RASGEF1A: variants seen among roughly 807,000 people sequenced by gnomAD.
The protein encoded by RASGEF1A is RasGEF domain family member 1A.
A neutral mutation model predicts 56.4 loss-of-function variants in RASGEF1A; 18 were observed. That is an observed-to-expected ratio of 0.32 (90% CI 0.22 to 0.47). The LOEUF is 0.47. RASGEF1A is among the 20% of genes least tolerant of loss of function. The pLI, the probability that RASGEF1A is intolerant of heterozygous loss-of-function variation, is 1.00. For missense variants in RASGEF1A, 422 were observed against 627.1 expected (o/e 0.67, Z 3.49); for synonymous variants, 245 against 242.6 (o/e 1.01, Z -0.09).
intron 1 of RASGEF1A, among the ~76,000 whole-genome samples, chr10:43,237,003 C>A (rs1840439064): frequency 6.6e-6 from 1 of 151,984 alleles, no homozygotes; most frequent in Admixed American, 6.6e-5. Flanking sequence ...GTCTTAGGAC[C>A]AGCGTGGCCT....
intron 1 of RASGEF1A, among the ~76,000 whole-genome samples, chr10:43,240,566 C>G (rs1751360510): frequency 6.6e-6 from 1 of 151,876 alleles, no homozygotes; most frequent in Non-Finnish European, 1.5e-5. Context: ...GTGTTGAAAA[C>G]TAAGTAAATG....
At chr10:43,255,133 C>T (rs547872763) in intron 1 of RASGEF1A, among the ~76,000 whole-genome samples, 11 of 152,204 alleles carry the variant, frequency 7.2e-5, no homozygotes, top group Non-Finnish European at 1.2e-4. Context: ...CCCCTCCAGC[C>T]GGTGTCGGGC....
At chr10:43,201,762 C>T in intron 4 of RASGEF1A, 46 bp downstream of exon 4, 2 of 1,508,334 alleles carry the variant, frequency 1.3e-6, no homozygotes, top group Non-Finnish European at 1.8e-6. Context: ...AGGGCAGACC[C>T]TGGCACACAC....
At chr10:43,207,660 CAG>C in intron 1 of RASGEF1A, 1 of 985,518 alleles carries the variant, frequency 1.0e-6, no homozygotes, top group Non-Finnish European at 1.2e-6. Context: ...GGTCATGGCT[CAG>C]ACTCATACAA....
At chr10:43,242,400 G>C (rs1475670156) in intron 1 of RASGEF1A, among the ~76,000 whole-genome samples, 4 of 152,074 alleles carry the variant, frequency 2.6e-5, no homozygotes, top group African/African-American at 9.7e-5. Flanking sequence ...GAAGAAATAA[G>C]ACAATTCAAC....
intron 1 of RASGEF1A, among the ~76,000 whole-genome samples, chr10:43,217,484 G>A (rs1732671901): frequency 6.6e-6 from 1 of 152,244 alleles, no homozygotes; most frequent in Admixed American, 6.5e-5. Flanking sequence ...GAAGAAGGCT[G>A]GGTGACCAGC....
chr10:43,232,590 G>A (rs569098061), intron 1 of RASGEF1A, among the ~76,000 whole-genome samples: 16 of 148,862 alleles, frequency 1.1e-4, no homozygotes, highest in South Asian at 6.6e-4. Flanking sequence ...GGGTTTAAGC[G>A]ATTCTCTTGC....
At chr10:43,220,159 G>A (rs1840188814) in intron 1 of RASGEF1A, among the ~76,000 whole-genome samples, 1 of 152,244 alleles carries the variant, frequency 6.6e-6, no homozygotes, top group African/African-American at 2.4e-5. Context: ...AGCCCCAAGA[G>A]TACCAGTGCA....
intron 1 of RASGEF1A, among the ~76,000 whole-genome samples, chr10:43,251,794 T>C (rs952481512): frequency 6.6e-6 from 1 of 152,306 alleles, no homozygotes; most frequent in Admixed American, 6.5e-5. Context: ...CCTCCAGGAC[T>C]GTGAGGGGGA....
At chr10:43,240,597 G>T (rs1278581969) in intron 1 of RASGEF1A, among the ~76,000 whole-genome samples, 1 of 151,946 alleles carries the variant, frequency 6.6e-6, no homozygotes, top group Non-Finnish European at 1.5e-5. Context: ...TAGCAAGAGG[G>T]GCTCAACAAC....
intron 1 of RASGEF1A, among the ~76,000 whole-genome samples, chr10:43,229,299 G>A (rs1022176063): frequency 6.6e-6 from 1 of 152,166 alleles, no homozygotes; most frequent in South Asian, 2.1e-4. Context: ...CCCCTCGCCC[G>A]GCACATCCTC....
At chr10:43,253,767 C>A (rs1840653476) in intron 1 of RASGEF1A, among the ~76,000 whole-genome samples, 2 of 152,254 alleles carry the variant, frequency 1.3e-5, no homozygotes, top group South Asian at 4.1e-4. Flanking sequence ...GGCAGGCCGG[C>A]CAGCGCCTTG....
intron 1 of RASGEF1A, among the ~76,000 whole-genome samples, chr10:43,265,435 G>A (rs958650790): frequency 3.9e-5 from 6 of 152,222 alleles, no homozygotes; most frequent in African/African-American, 1.4e-4. Context: ...CAGGGAGTGT[G>A]GGCCTGCTGC....
In RASGEF1A at chr10:43,221,476, G is replaced by A. The variant is rs550491089; in HGVS notation, c.-6-15354C>T. Among the ~76,000 whole-genome samples the A allele has an allele frequency of 5.3e-5, 8 of 152,288 alleles. No individual in the cohort carries two copies. The South Asian group carries it at 1.0e-3, about 20-fold the overall frequency. On this transcript the variant is annotated intron_variant, in intron 1 of 12. Coordinates refer to ENST00000395810, the MANE Select transcript of RASGEF1A (RefSeq NM_145313.4). Reference sequence around the variant, plus strand: ...GGCCCAAAGGGCCTCAGTCACCAGCGCCAGTCTGGGAAACTGGTGGAGCTG... The same window carrying A: ...GGCCCAAAGGGCCTCAGTCACCAGCACCAGTCTGGGAAACTGGTGGAGCTG...
intron 1 of RASGEF1A, among the ~76,000 whole-genome samples, chr10:43,215,732 C>G (rs894320753): frequency 6.6e-6 from 1 of 152,190 alleles, no homozygotes; most frequent in Non-Finnish European, 1.5e-5. Context: ...ACAGGGTTCT[C>G]TGGCCCCAGA....
chr10:43,225,395 CTGTG>C lies in RASGEF1A; in HGVS notation c.-6-19277_-6-19274del, dbSNP rs1243085930. On this transcript the variant is annotated intron_variant, in intron 1 of 12. Transcript: ENST00000395810. ...TCTGTGTCTCTGCATGTGTCTGTGT[CTGTG>C]TGTGTGCCTGCATGTGTCTCTGTGT... Among the ~76,000 whole-genome samples, 4 of 135,620 alleles carry C rather than the reference CTGTG, an allele frequency of 2.9e-5. No individual in the cohort carries two copies. The South Asian group carries it at 7.2e-4, about 24-fold the overall frequency. 89.0% of individuals were successfully genotyped at this position (135,620 alleles called of 152,430 possible). A position where few individuals can be genotyped will look rare whatever the true frequency, so the allele number is the denominator to read the frequency against.
intron 3 of RASGEF1A, 140 bp from the exon 4 acceptor site, chr10:43,202,085 G>C: frequency 1.1e-6 from 1 of 870,698 alleles, no homozygotes; most frequent in Non-Finnish European, 1.6e-6. Context: ...TGCCACCTGC[G>C]GTTTGGCCAA....
intron 3 of RASGEF1A, 65 bp from the exon 4 acceptor site, chr10:43,202,010 G>A: frequency 6.8e-7 from 1 of 1,472,372 alleles, no homozygotes. Context: ...ATGGCAAATG[G>A]TGCAAGCTTC....
chr10:43,206,749 G>C (rs1840001890), intron 1 of RASGEF1A: 1 of 986,570 alleles, frequency 1.0e-6, no homozygotes, highest in Admixed American at 6.1e-5. Context: ...GCAGGCGGTA[G>C]CAGGAGTGGC....
Sources: allele counts gnomAD v4.1 joint callset (sites outside exome capture counted in the v4.1 genomes callset), GRCh38; gene constraint gnomAD v4.1.1; transcripts MANE v1.5; gene names NCBI Gene and HGNC (gene_info 2026-07-23, HGNC 2026-07-21).